ICAM5: variants seen among roughly 807,000 people sequenced by gnomAD.
ICAM5 encodes intercellular adhesion molecule 5.
A neutral mutation model predicts 78.8 loss-of-function variants in ICAM5; 38 were observed. The observed-to-expected ratio is 0.48, with a 90% CI of 0.37 to 0.63. The LOEUF (loss-of-function observed/expected upper bound fraction) is 0.63, where lower values mean the gene tolerates loss of function less well. Among genes scored for constraint, ICAM5 ranks in the 30% least tolerant of loss-of-function variants. The probability of loss-of-function intolerance (pLI) is 0.00; values close to 1 mark genes in which losing one functional copy is unlikely to be tolerated. For missense variants in ICAM5, 1,059 were observed against 1,303.0 expected, an observed-to-expected ratio of 0.81 and a Z score of 2.88; for synonymous variants, 544 against 590.9, an observed-to-expected ratio of 0.92 and a Z score of 1.15.
rs35318566 is a variant in ICAM5 at position 10,295,428 on chromosome 19, G to A, written c.2313G>A (p.Ala771=). The part of the protein sequence containing the change: ...PGGNFTLTCR[A]EAWPPAQISW... ...GAAACTTCACGTTGACCTGCCGCGCGGAGGCCTGGCCTCCAGCCCAGATCA... is the reference window on the plus strand; with the variant it reads ...GAAACTTCACGTTGACCTGCCGCGCAGAGGCCTGGCCTCCAGCCCAGATCA... Residue 771 remains alanine (A), a synonymous_variant, in exon 10 of 11, where the codon GCG becomes GCA. Transcript: ENST00000221980. 0.04 allele frequency: 64,931 copies of A among 1,607,968 alleles called. 1,502 individuals carry two copies. The highest frequency in any genetic ancestry group is 0.044 in the African/African-American group (3,309 of 74,942).
chr19:10,294,593 C>A lies in ICAM5; in HGVS notation c.2183C>A (p.Thr728Asn), dbSNP rs991062451. ...GCGGGCACTTACCACTGTGTGGCCA[C>A]CAATGCGCATGGCACGGACTCCCGG... ...EDAGTYHCVATNAHGTDSRTV... is the reference protein window; with the variant it reads ...EDAGTYHCVANNAHGTDSRTV... The change falls in exon 9 of 11, where the codon ACC (threonine) becomes AAC (asparagine). Residue 728 changes from threonine to asparagine, a missense_variant. By Grantham distance (65) the Thr-to-Asn change is moderately conservative. Coordinates refer to ENST00000221980, the MANE Select transcript of ICAM5 (RefSeq NM_003259.4). This position sits in a 1 kb window ranked among gnomAD's most constrained non-coding sequence, Gnocchi z 7.7. 5.0e-6 allele frequency: 8 copies of A among 1,613,044 alleles called. No individual in the cohort carries two copies. The Middle Eastern group carries it at 6.6e-4, about 133-fold the overall frequency.
In ICAM5 at chr19:10,295,532, G is replaced by C. The variant is rs746439147; in HGVS notation, c.2417G>C (p.Gly806Ala). The C allele has an allele frequency of 6.4e-7, 1 of 1,550,966 alleles. No homozygotes were observed. The highest frequency in any genetic ancestry group is 8.7e-7 in the Non-Finnish European group (1 of 1,149,726). Residue 806 changes from glycine (G) to alanine (A), a missense_variant, in exon 10 of 11, where the codon GGA becomes GCA. By Grantham distance (60) the Gly-to-Ala change is moderately conservative. Transcript: ENST00000221980. ...NSTLSVAGAMGSHGGEYECAA... is the reference protein window; with the variant it reads ...NSTLSVAGAMASHGGEYECAA... ...ACACTGAGCGTGGCAGGCGCCATGG[G>C]AAGCCACGGCGGCGAGTACGAGTGC... is the stretch of plus-strand genomic sequence containing the variant.
Position 10,290,662 on chromosome 19 carries a change from C to A in ICAM5, c.83-410C>A, listed in dbSNP as rs1387598437. ...TGACCCAGCCTCGTCTCTCCTTTGC[C>A]CTTGCCGCAAACGCACTCTCCTCGT... On this transcript the variant is annotated intron_variant, in intron 1 of 10. Transcript: ENST00000221980. This position sits in a 1 kb window ranked among gnomAD's most constrained non-coding sequence, Gnocchi z 5.7. 1.5e-5 allele frequency: 4 copies of A among 266,084 alleles called. No individual in the cohort carries two copies. The highest frequency in any genetic ancestry group is 2.9e-5 in the Non-Finnish European group (4 of 139,192). 16.5% of individuals were successfully genotyped at this position (266,084 alleles called of 1,614,324 possible). A position where few individuals can be genotyped will look rare whatever the true frequency, so the allele number is the denominator to read the frequency against.
intron 1 of ICAM5, 55 bp from the exon 2 acceptor site, chr19:10,291,017 C>T: frequency 1.3e-6 from 2 of 1,543,582 alleles, no homozygotes; most frequent in Non-Finnish European, 1.8e-6. Flanking sequence ...GACATAGGGG[C>T]GCTAAGATGT....
In ICAM5 at chr19:10,294,969, A is replaced by C. The variant is rs2040208569; in HGVS notation, c.2230+329A>C. 6.6e-6 allele frequency among the ~76,000 whole-genome samples: 1 copy of C among 152,130 alleles called. No individual in the cohort carries two copies. ...CTACTTGGGAGGCTGAGGCAGGAGA[A>C]TCGCTTGAGCCTGGGAGGCAGAGGT... On this transcript the variant is annotated intron_variant, in intron 9 of 10. Coordinates refer to ENST00000221980, the MANE Select transcript of ICAM5 (RefSeq NM_003259.4). This position sits in a 1 kb window ranked among gnomAD's most constrained non-coding sequence, Gnocchi z 7.7.
chr19:10,293,905 G>C lies in ICAM5; in HGVS notation c.1673G>C (p.Arg558Pro). 2 of 1,611,048 alleles carry C rather than the reference G, an allele frequency of 1.2e-6. No individual in the cohort carries two copies. The highest frequency in any genetic ancestry group is 8.5e-7 in the Non-Finnish European group (1 of 1,179,768). ...GTYRCEATNP[R>P]GSAAKNVAVT... ...TACCGCTGCGAAGCCACCAACCCTC[G>C]GGGCTCTGCGGCCAAAAATGTGGCC... Residue 558 changes from arginine (R) to proline (P), a missense_variant, in exon 7 of 11, where the codon CGG (arginine) becomes CCG (proline). By Grantham distance (103) the Arg-to-Pro change is moderately radical. Coordinates refer to ENST00000221980, the MANE Select transcript of ICAM5 (RefSeq NM_003259.4). This position sits in a 1 kb window ranked among gnomAD's most constrained non-coding sequence, Gnocchi z 5.0.
chr19:10,293,217 C>A lies in ICAM5; in HGVS notation c.1436C>A (p.Ala479Glu), dbSNP rs1373776850. The A allele has an allele frequency of 1.9e-6, 3 of 1,595,722 alleles. No individual in the cohort carries two copies. The highest frequency in any genetic ancestry group is 2.3e-5 in the South Asian group (2 of 88,752). Residue 479 changes from alanine (A) to glutamate (E), a missense_variant, in exon 6 of 11, where the codon GCG (alanine) becomes GAG (glutamate). Transcript: ENST00000221980. This position sits in a 1 kb window ranked among gnomAD's most constrained non-coding sequence, Gnocchi z 5.0. Reference protein sequence around the residue: ...RCKAANDQGEAVKDVTLTVEY... With the variant: ...RCKAANDQGEEVKDVTLTVEY... Reference sequence around the variant, plus strand: ...AAGGCGGCCAATGATCAAGGCGAGGCGGTCAAGGACGTAACGCTAACGGTG... The same window carrying A: ...AAGGCGGCCAATGATCAAGGCGAGGAGGTCAAGGACGTAACGCTAACGGTG...
chr19:10,292,442 T>C (rs1041907969), intron 4 of ICAM5, 120 bp downstream of exon 4: 2 of 1,337,950 alleles, frequency 1.5e-6, no homozygotes, highest in African/African-American at 1.5e-5. Flanking sequence ...GCGGGGCAGG[T>C]GGGGGCGGAG....
intron 3 of ICAM5, 41 bp downstream of exon 3, chr19:10,291,850 G>T: frequency 6.3e-7 from 1 of 1,584,838 alleles, no homozygotes; most frequent in Non-Finnish European, 8.6e-7. Flanking sequence ...CAGTGGGGTC[G>T]GTCGGTGTTT....
Position 10,290,812 on chromosome 19 carries a change from C to T in ICAM5, c.83-260C>T. Reference sequence around the variant, plus strand: ...CTTTCCTCTCCTCTACGCCCTCCCCCCATGCTTTCCCGCCGCTCCATCGGC... The same window carrying T: ...CTTTCCTCTCCTCTACGCCCTCCCCTCATGCTTTCCCGCCGCTCCATCGGC... On this transcript the variant is annotated intron_variant, in intron 1 of 10. Transcript: ENST00000221980. This position sits in a 1 kb window ranked among gnomAD's most constrained non-coding sequence, Gnocchi z 5.7. 1 of 576,418 alleles carries T rather than the reference C, an allele frequency of 1.7e-6. No individual in the cohort carries two copies. The highest frequency in any genetic ancestry group is 3.1e-6 in the Non-Finnish European group (1 of 324,908). The allele number at this position is 576,418 out of a possible 1,614,324, so 35.7% of individuals were successfully genotyped here.
Position 10,293,762 on chromosome 19 carries a change from C to T in ICAM5, c.1530C>T (p.Ala510=). ...ERITWLEGTE[A]SLSCVAHGVP... ...TTACTTGGCTGGAGGGAACAGAAGC[C>T]TCGCTGAGCTGTGTGGCGCACGGGG... The change falls in exon 7 of 11, where the codon GCC becomes GCT. Residue 510 remains alanine (A), a synonymous_variant. Coordinates refer to ENST00000221980, the MANE Select transcript of ICAM5 (RefSeq NM_003259.4). The surrounding 1 kb of genome is among the most constrained non-coding windows in gnomAD (Gnocchi z 5.0). 1 of 1,613,992 alleles carries T rather than the reference C, an allele frequency of 6.2e-7. No homozygotes were observed. Among genetic ancestry groups the T allele is most frequent in the Non-Finnish European group, 8.5e-7 (1 of 1,180,028 alleles).
rs543369803 is a variant in ICAM5, at chr19:10,294,102, C to G, written c.1774C>G (p.Arg592Gly). The change falls in exon 8 of 11, where the codon CGC becomes GGC. Residue 592 changes from arginine to glycine, a missense_variant. Around this residue, in one of 3 missense-constraint regions of ICAM5, gnomAD observed 815 missense variants for 952.8 expected, o/e 0.86. Coordinates refer to ENST00000221980, the MANE Select transcript of ICAM5 (RefSeq NM_003259.4). This position sits in a 1 kb window ranked among gnomAD's most constrained non-coding sequence, Gnocchi z 7.7. ...TTGGACATGGGTGGAAGGATCTGGGCGCCTGTTTTCCTGTGAGGTCGATGG... is the reference window on the plus strand; with the variant it reads ...TTGGACATGGGTGGAAGGATCTGGGGGCCTGTTTTCCTGTGAGGTCGATGG... ...SNWTWVEGSG[R>G]LFSCEVDGKP... 6.3e-7 allele frequency: 1 copy of G among 1,597,682 alleles called. No homozygotes were observed. The highest frequency in any genetic ancestry group is 1.4e-5 in the African/African-American group (1 of 73,854).
At position 10,291,655 on chromosome 19, in the gene ICAM5, A is replaced by C; in HGVS notation, c.519A>C (p.Pro173=). 1 of 1,611,772 alleles carries C rather than the reference A, an allele frequency of 6.2e-7. No homozygotes were observed. The highest frequency in any genetic ancestry group is 8.5e-7 in the Non-Finnish European group (1 of 1,179,476). The change falls in exon 3 of 11, where the codon CCA becomes CCC. Residue 173 remains proline, a synonymous_variant. Transcript: ENST00000221980. ...TCCGCCGCAGCTTCGCCGGTGAACCACCCCGAGCGCGGGGCGCGGTGCTCA... is the reference window on the plus strand; with the variant it reads ...TCCGCCGCAGCTTCGCCGGTGAACCCCCCCGAGCGCGGGGCGCGGTGCTCA... The part of the protein sequence containing the change: ...ELIRRSFAGE[P]PRARGAVLTA...
In ICAM5 at chr19:10,290,226, C is replaced by A; in HGVS notation, c.82+101C>A. 1 of 855,654 alleles carries A rather than the reference C, an allele frequency of 1.2e-6. No homozygotes were observed. The highest frequency in any genetic ancestry group is 1.9e-5 in the South Asian group (1 of 54,046). The allele number at this position is 855,654 out of a possible 1,614,324, so 53.0% of individuals were successfully genotyped here. ...CTCCCAGCTCTGCCCTCGCCTCGCTCCCACGCCTCTGCCCCCACCTCGAGC... is the reference window on the plus strand; with the variant it reads ...CTCCCAGCTCTGCCCTCGCCTCGCTACCACGCCTCTGCCCCCACCTCGAGC... On this transcript the variant is annotated intron_variant, in intron 1 of 10. Coordinates refer to ENST00000221980, the MANE Select transcript of ICAM5 (RefSeq NM_003259.4). The surrounding 1 kb of genome is among the most constrained non-coding windows in gnomAD (Gnocchi z 5.7).
At chr19:10,296,248 A>C (rs2040219240) in intron 10 of ICAM5, 91 bp from the exon 11 acceptor site, 2 of 1,175,414 alleles carry the variant, frequency 1.7e-6, no homozygotes, top group African/African-American at 3.2e-5. Flanking sequence ...CCGGGGCATG[A>C]GGACTGACTT....
chr19:10,296,431 G>T lies in ICAM5; in HGVS notation c.2590G>T (p.Ala864Ser). Reference protein sequence around the residue: ...AGLAFYVQSTACKKGEYNVQE... With the variant: ...AGLAFYVQSTSCKKGEYNVQE... The stretch of plus-strand genomic sequence containing the variant: ...CCTGGCCTTCTACGTGCAGTCCACC[G>T]CCTGCAAGAAGGGCGAGTACAACGT... Residue 864 changes from alanine (A) to serine (S), a missense_variant, in exon 11 of 11, where the codon GCC becomes TCC. Coordinates refer to ENST00000221980, the MANE Select transcript of ICAM5 (RefSeq NM_003259.4). The T allele has an allele frequency of 7.5e-7, 1 of 1,326,668 alleles. No homozygotes were observed. Among genetic ancestry groups the T allele is most frequent in the East Asian group, 3.2e-5 (1 of 31,424 alleles). The allele number at this position is 1,326,668 out of a possible 1,614,324, so 82.2% of individuals were successfully genotyped here. A position where few individuals can be genotyped will look rare whatever the true frequency, so the allele number is the denominator to read the frequency against.
chr19:10,290,026 G>A lies in ICAM5; in HGVS notation c.-18G>A. The A allele has an allele frequency of 6.5e-7, 1 of 1,535,548 alleles. No homozygotes were observed. On this transcript the variant is annotated 5_prime_UTR_variant, in exon 1 of 11. Coordinates refer to ENST00000221980, the MANE Select transcript of ICAM5 (RefSeq NM_003259.4). The surrounding 1 kb of genome is among the most constrained non-coding windows in gnomAD (Gnocchi z 5.7). The stretch of plus-strand genomic sequence containing the variant: ...GGCTCGCGCTCTCCTCGCCTCCTGT[G>A]CTTTCCCCGCCGCGGCGATGCCAGG...
rs763100288 is a variant in ICAM5 at position 10,290,110 on chromosome 19, C to T, written c.67C>T (p.Leu23Phe). The change falls in exon 1 of 11, where the codon CTC (leucine) becomes TTC (phenylalanine). Residue 23 changes from leucine to phenylalanine, a missense_variant. Coordinates refer to ENST00000221980, the MANE Select transcript of ICAM5 (RefSeq NM_003259.4). This position sits in a 1 kb window ranked among gnomAD's most constrained non-coding sequence, Gnocchi z 5.7. ...LGLWAALGLG[L>F]FGLSAVSQEP... ...CCTCTGGGCTGCTCTGGGCCTGGGGCTCTTCGGCCTCTCAGGTAAGAGCCC... is the reference window on the plus strand; with the variant it reads ...CCTCTGGGCTGCTCTGGGCCTGGGGTTCTTCGGCCTCTCAGGTAAGAGCCC... 6.8e-5 allele frequency: 104 copies of T among 1,532,548 alleles called. No individual in the cohort carries two copies. The highest frequency in any genetic ancestry group is 7.7e-5 in the Non-Finnish European group (88 of 1,138,570). 94.9% of individuals were successfully genotyped at this position (1,532,548 alleles called of 1,614,324 possible). A position where few individuals can be genotyped will look rare whatever the true frequency, so the allele number is the denominator to read the frequency against.
At chr19:10,291,904 C>T in intron 3 of ICAM5, 95 bp downstream of exon 3, 1 of 1,492,944 alleles carries the variant, frequency 6.7e-7, no homozygotes, top group South Asian at 1.2e-5. Flanking sequence ...ACCCCGACTT[C>T]AACCCTCGCC....
Sources: allele counts gnomAD v4.1 joint callset (sites outside exome capture counted in the v4.1 genomes callset), GRCh38; gene constraint gnomAD v4.1.1; regional missense constraint gnomAD v4.1.1; non-coding constraint Gnocchi (gnomAD v3.1); transcripts MANE v1.5; gene names NCBI Gene and HGNC (gene_info 2026-07-23, HGNC 2026-07-21).